The following ANO1 variants were observed in gnomAD, a reference collection of about 807,000 sequenced individuals.
ANO1 encodes the protein anoctamin-1.
A neutral mutation model predicts 124.0 loss-of-function variants in ANO1; 59 were observed. The ratio of observed to expected loss-of-function variants is 0.48; its 90% confidence interval spans 0.39 to 0.59. The LOEUF is 0.59. Among genes scored for constraint, ANO1 ranks in the 20% least tolerant of loss-of-function variants. ANO1 has a pLI of 0.00. For missense variants in ANO1, 1,059 were observed against 1,328.0 expected, an observed-to-expected ratio of 0.80 and a Z score of 3.15; for synonymous variants, 529 against 532.0, an observed-to-expected ratio of 0.99 and a Z score of 0.08.
At chr11:69,973,170 A>C in the ANO1 span, among the ~76,000 whole-genome samples, 1 of 152,044 alleles carries the variant, frequency 6.6e-6, no homozygotes, top group Non-Finnish European at 1.5e-5. Flanking sequence ...CAGCCTCCCA[A>C]GGTGCTGGGA....
At chr11:70,015,746 A>G (rs555473433) in intron 1 of ANO1, 16 of 152,558 alleles carry the variant, frequency 1.0e-4, no homozygotes, top group African/African-American at 2.9e-4. Context: ...GGGAGCACCC[A>G]GGGACTGCAG....
In ANO1 at chr11:70,155,906, C is replaced by G. The variant is rs11235438; in HGVS notation, c.1426-5C>G. The G allele has an allele frequency of 3.0e-5, 47 of 1,541,170 alleles. No individual in the cohort carries two copies. The highest frequency in any genetic ancestry group is 1.7e-4 in the Middle Eastern group (1 of 5,996). ...CGGTGCTCTCTTTCCCCCACCCCCC[C>G]TCAGAAGCGCCGGCATATTCCAGAG... On this transcript the variant is annotated splice_region_variant and splice_polypyrimidine_tract_variant and intron_variant, in intron 14 of 25. Coordinates refer to ENST00000355303, the MANE Select transcript of ANO1 (RefSeq NM_018043.7).
intron 2 of ANO1, among the ~76,000 whole-genome samples, chr11:70,094,630 T>G (rs991174860): frequency 1.3e-5 from 2 of 152,198 alleles, no homozygotes; most frequent in African/African-American, 4.8e-5. Flanking sequence ...CCTTTGAACC[T>G]GGCCCCTAAC....
At chr11:69,993,009 T>C (rs1452614108) in intron 1 of ANO1, among the ~76,000 whole-genome samples, 1 of 152,208 alleles carries the variant, frequency 6.6e-6, no homozygotes, top group Non-Finnish European at 1.5e-5. Context: ...CAGCTTCCTT[T>C]CTCATGGCAG....
intron 1 of ANO1, among the ~76,000 whole-genome samples, chr11:69,995,730 C>A (rs1856256810): frequency 6.6e-6 from 1 of 152,180 alleles, no homozygotes; most frequent in Non-Finnish European, 1.5e-5. Flanking sequence ...CATACTGTCA[C>A]CATGACTTAT....
At chr11:70,056,066 A>C (rs567912037) in intron 1 of ANO1, among the ~76,000 whole-genome samples, 4 of 152,070 alleles carry the variant, frequency 2.6e-5, no homozygotes, top group Non-Finnish European at 5.9e-5. Flanking sequence ...TAAACAATCA[A>C]TATTCATTTA....
intron 1 of ANO1, among the ~76,000 whole-genome samples, chr11:70,070,706 GGTAA>G (rs1381754811): frequency 5.9e-5 from 9 of 152,204 alleles, no homozygotes; most frequent in African/African-American, 1.9e-4. Context: ...ATGGTGAGTG[GGTAA>G]GTAAGTGGGG....
At position 70,175,975 on chromosome 11, in the gene ANO1, C is replaced by T. The variant is rs566645041; in HGVS notation, c.2351-4029C>T. ...ATTCTGAGCCATGAGTGACCATGGCCCATGACACAGCCCTCAGGAGGTCCT... is the reference window on the plus strand; with the variant it reads ...ATTCTGAGCCATGAGTGACCATGGCTCATGACACAGCCCTCAGGAGGTCCT... On this transcript the variant is annotated intron_variant, in intron 22 of 25. Transcript: ENST00000355303. 2.0e-5 allele frequency among the ~76,000 whole-genome samples: 3 copies of T among 152,164 alleles called. No individual in the cohort carries two copies. The South Asian group carries it at 6.2e-4, about 32-fold the overall frequency.
chr11:70,122,123 T>G lies in ANO1; in HGVS notation c.898-2227T>G, dbSNP rs557898312. Reference sequence around the variant, plus strand: ...CCACCTCTCTCTGTCTGTCTCTCTATCTCTGTCTCTCCATCTGCCTCTGTC... The same window carrying G: ...CCACCTCTCTCTGTCTGTCTCTCTAGCTCTGTCTCTCCATCTGCCTCTGTC... On this transcript the variant is annotated intron_variant, in intron 8 of 25. Transcript: ENST00000355303. Among the ~76,000 whole-genome samples the G allele has an allele frequency of 1.2e-3, 156 of 125,780 alleles. 3 individuals are homozygous for G. Among genetic ancestry groups the G allele is most frequent in the Non-Finnish European group, 1.9e-3 (115 of 59,170 alleles). The allele number at this position is 125,780 out of a possible 152,430, so 82.5% of individuals were successfully genotyped here. A position where few individuals can be genotyped will look rare whatever the true frequency, so the allele number is the denominator to read the frequency against.
chr11:70,177,237 G>A (rs2048738019), intron 22 of ANO1, among the ~76,000 whole-genome samples: 2 of 152,230 alleles, frequency 1.3e-5, no homozygotes, highest in Admixed American at 6.5e-5. Context: ...CAGGCCCACC[G>A]CACCTCAGCA....
chr11:70,149,493 A>C (rs1485185837), intron 11 of ANO1: 1 of 509,770 alleles, frequency 2.0e-6, no homozygotes, highest in African/African-American at 1.9e-5. Context: ...TCTACTAAAA[A>C]TACAAAGATT....
chr11:70,178,813 C>T (rs1448687316), intron 22 of ANO1, among the ~76,000 whole-genome samples: 1 of 152,262 alleles, frequency 6.6e-6, no homozygotes, highest in Non-Finnish European at 1.5e-5. Context: ...ATCTGCCCAC[C>T]TCAGCCTCCC....
In ANO1 at chr11:70,095,415, AAAGAAAG is replaced by A. The variant is rs759449966; in HGVS notation, c.441+7334_441+7340del. 1.9e-3 allele frequency among the ~76,000 whole-genome samples: 69 copies of A among 36,042 alleles called. 9 individuals are homozygous for A. Among genetic ancestry groups the A allele is most frequent in the Non-Finnish European group, 4.0e-3 (48 of 12,094 alleles). 23.6% of individuals were successfully genotyped at this position (36,042 alleles called of 152,430 possible). A position where few individuals can be genotyped will look rare whatever the true frequency, so the allele number is the denominator to read the frequency against. On this transcript the variant is annotated intron_variant, in intron 2 of 25. Coordinates refer to ENST00000355303, the MANE Select transcript of ANO1 (RefSeq NM_018043.7). ...GAAAGAAAGAAAGAAAGAAAGAAAG[AAAGAAAG>A]AAAGAAAAGAAAAGAAAGAAAGAGG...
intron 8 of ANO1, among the ~76,000 whole-genome samples, chr11:70,119,569 G>A (rs1198949349): frequency 2.0e-5 from 3 of 150,856 alleles, no homozygotes; most frequent in Non-Finnish European, 4.4e-5. Context: ...ATGAATGATG[G>A]TTGATGGGTA....
intron 1 of ANO1, among the ~76,000 whole-genome samples, chr11:69,994,607 T>C (rs1212975936): frequency 6.6e-6 from 1 of 152,174 alleles, no homozygotes; most frequent in Non-Finnish European, 1.5e-5. Flanking sequence ...CAGTGCTAAC[T>C]CTCTTCAATA....
the ANO1 span, among the ~76,000 whole-genome samples, chr11:69,974,654 C>T: frequency 6.6e-6 from 1 of 152,304 alleles, no homozygotes; most frequent in South Asian, 2.1e-4. Flanking sequence ...AGTGTACCTC[C>T]CCACATTGTC....
At chr11:70,021,047 A>G (rs1856798170) in intron 1 of ANO1, 1 of 152,096 alleles carries the variant, frequency 6.6e-6, no homozygotes, top group Non-Finnish European at 1.5e-5. Flanking sequence ...GTGGGAATTC[A>G]TATTTCTTCT....
intron 16 of ANO1, among the ~76,000 whole-genome samples, chr11:70,158,427 CCAGAG>C (rs1221295000): frequency 2.0e-5 from 3 of 152,264 alleles, no homozygotes; most frequent in Non-Finnish European, 4.4e-5. Flanking sequence ...GAGGGCCTCA[CCAGAG>C]CGTCTCATCA....
chr11:69,972,734 T>C, the ANO1 span, among the ~76,000 whole-genome samples: 1 of 152,042 alleles, frequency 6.6e-6, no homozygotes, highest in East Asian at 1.9e-4. Flanking sequence ...GTTCGGCATG[T>C]TGTAAGGCAA....
Sources: allele counts gnomAD v4.1 joint callset (sites outside exome capture counted in the v4.1 genomes callset), GRCh38; gene constraint gnomAD v4.1.1; transcripts MANE v1.5; gene names NCBI Gene and HGNC (gene_info 2026-07-23, HGNC 2026-07-21).